Variants in DNAH11 observed in about 807,000 individuals in gnomAD.
DNAH11 encodes dynein axonemal heavy chain 11.
Under a neutral mutation model 526.0 loss-of-function variants are expected in DNAH11, and 442 were observed. The observed-to-expected ratio is 0.84, with a 90% CI of 0.78 to 0.91. DNAH11 has a LOEUF of 0.91. Among genes scored for constraint, DNAH11 ranks in the 40% least tolerant of loss-of-function variants. DNAH11 has a pLI of 0.00. For missense variants in DNAH11, 6,989 were observed against 5,448.7 expected (o/e 1.28, Z -8.90); for synonymous variants, 2,461 against 1,935.9 (o/e 1.27, Z -7.12).
intron 51 of DNAH11, 95 bp downstream of exon 51, chr7:21,745,158 A>G: frequency 1.5e-6 from 2 of 1,292,618 alleles, no homozygotes; most frequent in Non-Finnish European, 2.1e-6. Flanking sequence ...AGCACTCTGA[A>G]CCATCAGTTC....
intron 66 of DNAH11, among the ~76,000 whole-genome samples, chr7:21,847,065 TG>T (rs1782447944): frequency 6.6e-6 from 1 of 152,166 alleles, no homozygotes; most frequent in Non-Finnish European, 1.5e-5. Context: ...TACTAGTAAT[TG>T]GTGCCTTCTC....
At chr7:21,847,868 A>C (rs1394086849) in intron 66 of DNAH11, among the ~76,000 whole-genome samples, 2 of 152,146 alleles carry the variant, frequency 1.3e-5, no homozygotes, top group African/African-American at 4.8e-5. Context: ...TACACATTAA[A>C]GATTATTATG....
chr7:21,646,509 A>G (rs988956917), intron 28 of DNAH11, among the ~76,000 whole-genome samples: 8 of 152,156 alleles, frequency 5.3e-5, no homozygotes, highest in Non-Finnish European at 8.8e-5. Context: ...TACTTTGCAG[A>G]ACTGAGTACC....
chr7:21,841,579 A>T (rs537899660), intron 65 of DNAH11, among the ~76,000 whole-genome samples: 112 of 150,684 alleles, frequency 7.4e-4, no homozygotes, highest in African/African-American at 2.6e-3. Context: ...TGGAATGTCT[A>T]TATGGTCCCA....
rs925329640 is a variant in DNAH11, at chr7:21,602,961, C to T, written c.3648+1343C>T. ...ATTTAGTACAATATTGTGCAACTAC[C>T]ACCTCTATCTAGTTCCAGAAATTTT... On this transcript the variant is annotated intron_variant, in intron 18 of 81. Transcript: ENST00000409508. Among the ~76,000 whole-genome samples the T allele has an allele frequency of 8.6e-5, 13 of 152,034 alleles. No individual in the cohort carries two copies. The East Asian group carries it at 1.5e-3, about 18-fold the overall frequency.
At chr7:21,766,266 T>A (rs570962851) in intron 55 of DNAH11, among the ~76,000 whole-genome samples, 1 of 152,206 alleles carries the variant, frequency 6.6e-6, no homozygotes, top group East Asian at 1.9e-4. Flanking sequence ...GGAAAAAGGA[T>A]GTAGATATGA....
intron 76 of DNAH11, among the ~76,000 whole-genome samples, chr7:21,891,794 C>A (rs980575718): frequency 1.3e-5 from 2 of 152,080 alleles, no homozygotes; most frequent in Non-Finnish European, 2.9e-5. Context: ...GCTCAAAGTC[C>A]TGGGAAGGTA....
intron 76 of DNAH11, among the ~76,000 whole-genome samples, chr7:21,889,078 C>T (rs1784236904): frequency 6.9e-6 from 1 of 145,592 alleles, no homozygotes; most frequent in East Asian, 2.3e-4. Context: ...TTCCCCTATA[C>T]CCCAGCCCAT....
chr7:21,901,263 TG>T lies in DNAH11; in HGVS notation c.*11del. Reference sequence around the variant, plus strand: ...TGCTTCTAGAAGCGTAAGGTAACACTGGCATTCCTCTAGCCTCTGCTGGAGT... The same window carrying T: ...TGCTTCTAGAAGCGTAAGGTAACACTGCATTCCTCTAGCCTCTGCTGGAGT... On this transcript the variant is annotated 3_prime_UTR_variant, in exon 82 of 82. Transcript: ENST00000409508. 6.3e-7 allele frequency: 1 copy of T among 1,596,140 alleles called. No homozygotes were observed. Among genetic ancestry groups the T allele is most frequent in the Non-Finnish European group, 8.5e-7 (1 of 1,171,434 alleles).
rs748573807 is a variant in DNAH11, at chr7:21,601,169, G to A, written c.3415G>A (p.Val1139Ile). 3.1e-6 allele frequency: 5 copies of A among 1,595,076 alleles called. No individual in the cohort carries two copies. Among genetic ancestry groups the A allele is most frequent in the South Asian group, 1.2e-5 (1 of 85,984 alleles). ...WMFQEHLLRFVIDSLNELQEF... is the reference protein window; with the variant it reads ...WMFQEHLLRFIIDSLNELQEF... ...GTTTCAGGAGCATCTTTTGAGATTTGTCATTGACAGGTAGCCTTTTACTTT... is the reference window on the plus strand; with the variant it reads ...GTTTCAGGAGCATCTTTTGAGATTTATCATTGACAGGTAGCCTTTTACTTT... Residue 1139 changes from valine to isoleucine, a missense_variant, in exon 17 of 82, where the codon GTC (valine) becomes ATC (isoleucine). Coordinates refer to ENST00000409508, the MANE Select transcript of DNAH11 (RefSeq NM_001277115.2).
At position 21,599,917 on chromosome 7, in the gene DNAH11, A is replaced by G. The variant is rs749572732; in HGVS notation, c.2798A>G (p.Asn933Ser). 1 of 1,613,656 alleles carries G rather than the reference A, an allele frequency of 6.2e-7. No individual in the cohort carries two copies. Among genetic ancestry groups the G allele is most frequent in the South Asian group, 1.1e-5 (1 of 91,046 alleles). The part of the protein sequence containing the change: ...IMHDLDFFLK[N>S]TEKQLKPAPF... ...CACGACTTAGACTTCTTTCTGAAGA[A>G]TACAGAGAAACAATTGAAACCGGCA... Residue 933 changes from asparagine (N) to serine (S), a missense_variant, in exon 15 of 82, where the codon AAT (asparagine) becomes AGT (serine). By Grantham distance (46) the Asn-to-Ser change is conservative (BLOSUM62 1). Coordinates refer to ENST00000409508, the MANE Select transcript of DNAH11 (RefSeq NM_001277115.2).
At position 21,765,436 on chromosome 7, in the gene DNAH11, G is replaced by T. The variant is rs1787131783; in HGVS notation, c.8949G>T (p.Leu2983Phe). 6.2e-7 allele frequency: 1 copy of T among 1,613,700 alleles called. No homozygotes were observed. Among genetic ancestry groups the T allele is most frequent in the Non-Finnish European group, 8.5e-7 (1 of 1,179,744 alleles). The change falls in exon 55 of 82, where the codon TTG becomes TTT. Residue 2983 changes from leucine (L) to phenylalanine (F), a missense_variant. Coordinates refer to ENST00000409508, the MANE Select transcript of DNAH11 (RefSeq NM_001277115.2). ...ARVRLQLKII[L>F]CFSPVGRTLR... Reference sequence around the variant, plus strand: ...CCCCCATGTCTCCACAGATCATTTTGTGTTTCTCTCCAGTTGGTCGCACGC... The same window carrying T: ...CCCCCATGTCTCCACAGATCATTTTTTGTTTCTCTCCAGTTGGTCGCACGC...
At chr7:21,684,442 G>C (rs1185654725) in intron 32 of DNAH11, among the ~76,000 whole-genome samples, 6 of 152,078 alleles carry the variant, frequency 3.9e-5, no homozygotes, top group Admixed American at 1.3e-4. Context: ...AGTAAGTGGG[G>C]GTAAAGAGAA....
chr7:21,812,480 G>T (rs187686396), intron 63 of DNAH11, among the ~76,000 whole-genome samples: 1 of 151,816 alleles, frequency 6.6e-6, no homozygotes, highest in East Asian at 2.0e-4. Context: ...ACCAGCCTGG[G>T]CTACACAGTG....
intron 47 of DNAH11, 94 bp from the exon 48 acceptor site, chr7:21,739,477 G>A: frequency 1.2e-6 from 1 of 837,944 alleles, no homozygotes; most frequent in South Asian, 1.7e-5. Context: ...AAGATAAGGA[G>A]GTAATCTGCG....
intron 67 of DNAH11, 92 bp from the exon 68 acceptor site, chr7:21,854,223 T>G: frequency 3.6e-6 from 5 of 1,403,396 alleles, no homozygotes; most frequent in Middle Eastern, 3.6e-4. Context: ...TACTCATAAT[T>G]TTTCATTTCA....
chr7:21,657,082 T>G lies in DNAH11; in HGVS notation c.5094+1101T>G, dbSNP rs1473281142. Among the ~76,000 whole-genome samples the G allele has an allele frequency of 2.0e-5, 3 of 152,188 alleles. No homozygotes were observed. The East Asian group carries it at 5.8e-4, about 29-fold the overall frequency. On this transcript the variant is annotated intron_variant, in intron 29 of 81. Transcript: ENST00000409508. ...AAAGTTTTTATAGTGCTCTAATTTA[T>G]TCTGTATAAGCAACTTATGCTAGAG...
intron 70 of DNAH11, among the ~76,000 whole-genome samples, chr7:21,865,271 C>T (rs750384083): frequency 3.3e-5 from 5 of 152,106 alleles, no homozygotes; most frequent in Non-Finnish European, 5.9e-5. Context: ...AAGAAGGAAA[C>T]ATTTCTGTGC....
At chr7:21,695,614 CA>C in intron 35 of DNAH11, among the ~76,000 whole-genome samples, 1 of 152,240 alleles carries the variant, frequency 6.6e-6, no homozygotes, top group Middle Eastern at 3.4e-3. Flanking sequence ...AAGACTTAAA[CA>C]TAAAACCTAA....
Sources: allele counts gnomAD v4.1 joint callset (sites outside exome capture counted in the v4.1 genomes callset), GRCh38; gene constraint gnomAD v4.1.1; transcripts MANE v1.5; gene names NCBI Gene and HGNC (gene_info 2026-07-23, HGNC 2026-07-21).